CACNA1C: variants seen among roughly 807,000 people sequenced by gnomAD.
CACNA1C encodes voltage-dependent L-type calcium channel subunit alpha-1C.
In CACNA1C, 30 loss-of-function variants were observed where a neutral mutation model predicts 229.0. The observed-to-expected ratio is 0.13, with a 90% CI of 0.10 to 0.18. The LOEUF is 0.18. CACNA1C is among the 10% of genes least tolerant of loss of function. The pLI, the probability that CACNA1C is intolerant of heterozygous loss-of-function variation, is 1.00. For missense variants in CACNA1C, 1,658 were observed against 2,845.0 expected (o/e 0.58, Z 9.49); for synonymous variants, 1,114 against 1,132.5 (o/e 0.98, Z 0.33).
intron 1 of CACNA1C, among the ~76,000 whole-genome samples, chr12:1,988,084 T>G (rs951893382): frequency 2.6e-5 from 4 of 152,170 alleles, no homozygotes; most frequent in African/African-American, 9.7e-5. Context: ...CTCTGGGAGA[T>G]TCCCTTCTTC....
chr12:2,018,123 C>T (rs932138030), intron 1 of CACNA1C: 12 of 152,164 alleles, frequency 7.9e-5, no homozygotes, highest in Non-Finnish European at 1.6e-4. Context: ...TTGCTGACCT[C>T]CCTGTTGTAA....
Position 2,689,623 on chromosome 12 carries a change from C to T in CACNA1C, c.6117+844C>T, listed in dbSNP as rs549933114. 2.6e-5 allele frequency among the ~76,000 whole-genome samples: 4 copies of T among 152,090 alleles called. No individual in the cohort carries two copies. Among genetic ancestry groups the T allele is most frequent in the South Asian group, 2.1e-4 (1 of 4,806 alleles). Reference sequence around the variant, plus strand: ...TAGCCAAGCAGAGACTGTGCTCATCCGGGCGTCAGGCTGTGGTGCAGGAGG... The same window carrying T: ...TAGCCAAGCAGAGACTGTGCTCATCTGGGCGTCAGGCTGTGGTGCAGGAGG... On this transcript the variant is annotated intron_variant, in intron 46 of 46. Transcript: ENST00000399655. This position sits in a 1 kb window ranked among gnomAD's most constrained non-coding sequence, Gnocchi z 4.2.
rs2093293502 is a variant in CACNA1C at position 2,639,033 on chromosome 12, C to T, written c.3912+4653C>T. Reference sequence around the variant, plus strand: ...CCTCTGGCGCGAGGAGATCGGGACCCGCAAACTTCTGTTCATCTGGGAGAT... The same window carrying T: ...CCTCTGGCGCGAGGAGATCGGGACCTGCAAACTTCTGTTCATCTGGGAGAT... On this transcript the variant is annotated intron_variant, in intron 30 of 46. Transcript: ENST00000399655. The surrounding 1 kb of genome is among the most constrained non-coding windows in gnomAD (Gnocchi z 4.2). 1.3e-5 allele frequency among the ~76,000 whole-genome samples: 2 copies of T among 152,210 alleles called. No individual in the cohort carries two copies. Among genetic ancestry groups the T allele is most frequent in the South Asian group, 4.1e-4 (2 of 4,830 alleles).
intron 1 of CACNA1C, among the ~76,000 whole-genome samples, chr12:2,059,918 T>C (rs1327916959): frequency 6.6e-6 from 1 of 152,184 alleles, no homozygotes; most frequent in African/African-American, 2.4e-5. Flanking sequence ...ACCTCTCTAT[T>C]CTTCCTCCCC....
At chr12:2,518,860 G>T (rs1403003247) in intron 9 of CACNA1C, among the ~76,000 whole-genome samples, 1 of 152,200 alleles carries the variant, frequency 6.6e-6, no homozygotes, top group Non-Finnish European at 1.5e-5. Flanking sequence ...TAGCTCCTGG[G>T]CCTTCACGTT....
chr12:2,567,667 C>T lies in CACNA1C; in HGVS notation c.1768C>T (p.Arg590Cys), dbSNP rs776145143. ...LQAYFVSLFN[R>C]FDCFVVCGGI... ...GGCCTACTTCGTGTCCCTCTTCAACCGCTTTGACTGCTTCGTCGTGTGTGG... is the reference window on the plus strand; with the variant it reads ...GGCCTACTTCGTGTCCCTCTTCAACTGCTTTGACTGCTTCGTCGTGTGTGG... The change falls in exon 13 of 47, where the codon CGC becomes TGC. Residue 590 changes from arginine to cysteine, a missense_variant. Physicochemically the swap from Arg to Cys is radical, Grantham distance 180. This residue lies in a region of CACNA1C where 30 missense variants were observed against 96.6 expected (regional missense o/e 0.31). Coordinates refer to ENST00000399655, the MANE Select transcript of CACNA1C (RefSeq NM_000719.7). 17 of 1,613,576 alleles carry T rather than the reference C, an allele frequency of 1.1e-5. No homozygotes were observed. The highest frequency in any genetic ancestry group is 4.5e-5 in the East Asian group (2 of 44,860).
At chr12:2,545,492 A>T (rs966057236) in intron 9 of CACNA1C, among the ~76,000 whole-genome samples, 1 of 152,164 alleles carries the variant, frequency 6.6e-6, no homozygotes, top group African/African-American at 2.4e-5. Context: ...TTCGTTAGCA[A>T]TTCCTGGGCC....
chr12:2,082,040 AG>A (rs1332172480), intron 1 of CACNA1C, among the ~76,000 whole-genome samples: 35 of 149,572 alleles, frequency 2.3e-4, no homozygotes, highest in Admixed American at 2.0e-3. Flanking sequence ...CAGGGGGGAC[AG>A]GGGGGATATT....
At chr12:2,617,002 G>C (rs2080986456) in intron 29 of CACNA1C, among the ~76,000 whole-genome samples, 1 of 152,244 alleles carries the variant, frequency 6.6e-6, no homozygotes, top group African/African-American at 2.4e-5. Flanking sequence ...GCTAAGAATG[G>C]GGCAGCAGTT....
chr12:2,450,351 G>A (rs985410491), intron 4 of CACNA1C, among the ~76,000 whole-genome samples: 32 of 151,778 alleles, frequency 2.1e-4, no homozygotes, highest in South Asian at 8.3e-4. Flanking sequence ...TCAGGAGATC[G>A]AGACCATCCT....
chr12:1,984,802 G>C (rs1462116797), intron 1 of CACNA1C, among the ~76,000 whole-genome samples: 3 of 100,022 alleles, frequency 3.0e-5, no homozygotes, highest in Non-Finnish European at 6.3e-5. Flanking sequence ...AAAAAAAAAA[G>C]GTTCTTTTTA....
intron 13 of CACNA1C, among the ~76,000 whole-genome samples, chr12:2,577,316 C>T (rs1473463384): frequency 6.6e-6 from 1 of 152,228 alleles, no homozygotes; most frequent in Non-Finnish European, 1.5e-5. Context: ...CAGAGGCTGA[C>T]CTGTGCCCTC....
intron 3 of CACNA1C, among the ~76,000 whole-genome samples, chr12:2,232,577 A>G (rs940463900): frequency 1.3e-5 from 2 of 151,968 alleles, no homozygotes; most frequent in Non-Finnish European, 2.9e-5. Flanking sequence ...CCTGGGGGAG[A>G]TATTTTGAGA....
rs148269172 is a variant in CACNA1C, at chr12:1,980,165, G to C, written c.139+8964G>C. On this transcript the variant is annotated intron_variant, in intron 1 of 46. Coordinates refer to the CACNA1C transcript ENST00000682462. ...ATATCCACCTAAAAAACATGGACAG[G>C]AATGTTCATGGCAACTTTATTCAGA... is the stretch of plus-strand genomic sequence containing the variant. Among the ~76,000 whole-genome samples, 380 of 152,214 alleles carry C rather than the reference G, an allele frequency of 2.5e-3. 2 individuals are homozygous for C. Among genetic ancestry groups the C allele is most frequent in the African/African-American group, 7.9e-3 (330 of 41,528 alleles).
chr12:2,437,836 AATGATGGTGGTG>A (rs200005269), intron 3 of CACNA1C, among the ~76,000 whole-genome samples: 33,488 of 124,530 alleles, frequency 0.27, 4,960 homozygotes, highest in East Asian at 0.71. Context: ...TGGTGGTGGT[AATGATGGTGGTG>A]ATGATGGTGG....
In CACNA1C at chr12:2,520,011, C is replaced by T. The variant is rs146702869; in HGVS notation, c.1390+7027C>T. 4.6e-5 allele frequency among the ~76,000 whole-genome samples: 7 copies of T among 152,356 alleles called. No individual in the cohort carries two copies. In the East Asian group the frequency reaches 7.7e-4, roughly 17 times the overall value. Reference sequence around the variant, plus strand: ...ACGTCAGCCTGTTTCAGTGAGCTGTCGGACACTTCCCAAAGCAAAACCACC... The same window carrying T: ...ACGTCAGCCTGTTTCAGTGAGCTGTTGGACACTTCCCAAAGCAAAACCACC... On this transcript the variant is annotated intron_variant, in intron 9 of 46. Transcript: ENST00000399655.
At chr12:2,307,680 T>C (rs1358061597) in intron 3 of CACNA1C, among the ~76,000 whole-genome samples, 1 of 151,542 alleles carries the variant, frequency 6.6e-6, no homozygotes, top group African/African-American at 2.4e-5. Context: ...CTTTCTGCGC[T>C]GCTGAACCTG....
At chr12:2,006,519 T>C (rs2043494737) in intron 1 of CACNA1C, among the ~76,000 whole-genome samples, 1 of 152,258 alleles carries the variant, frequency 6.6e-6, no homozygotes, top group Non-Finnish European at 1.5e-5. Flanking sequence ...TAGCATTAAA[T>C]ATTAGAACAA....
chr12:2,146,979 G>T (rs1467580555), intron 3 of CACNA1C, among the ~76,000 whole-genome samples: 1 of 150,922 alleles, frequency 6.6e-6, no homozygotes, highest in East Asian at 1.9e-4. Context: ...ACAGGCAAAG[G>T]AGAGAGGACA....
Sources: gnomAD v4.1 joint callset for allele counts (sites outside exome capture counted in the v4.1 genomes callset) on GRCh38, gnomAD v4.1.1 for gene constraint, gnomAD v4.1.1 regional missense constraint, Gnocchi (gnomAD v3.1) non-coding constraint, MANE v1.5 for transcripts, NCBI Gene and HGNC (gene_info 2026-07-23, HGNC 2026-07-21) for gene names.